HACD3: variants seen among roughly 807,000 people sequenced by gnomAD.
HACD3 encodes 3-hydroxyacyl-CoA dehydratase 3.
In HACD3, 30 loss-of-function variants were observed where a neutral mutation model predicts 55.2. That is an observed-to-expected ratio of 0.54 (90% CI 0.41 to 0.74). The LOEUF (loss-of-function observed/expected upper bound fraction) is 0.74, where lower values mean the gene tolerates loss of function less well. Among genes scored for constraint, HACD3 ranks in the 30% least tolerant of loss-of-function variants. The pLI, the probability that HACD3 is intolerant of heterozygous loss-of-function variation, is 0.00. For synonymous variants in HACD3, 141 were observed against 151.7 expected, an observed-to-expected ratio of 0.93 and a Z score of 0.52; for missense variants, 363 against 440.1, an observed-to-expected ratio of 0.82 and a Z score of 1.57.
At chr15:65,555,735 A>G (rs937884420) in intron 3 of HACD3, among the ~76,000 whole-genome samples, 1 of 151,786 alleles carries the variant, frequency 6.6e-6, no homozygotes. Flanking sequence ...AGTTGGGAAG[A>G]CTCCCCAAAT....
intron 1 of HACD3, among the ~76,000 whole-genome samples, chr15:65,534,198 T>C (rs1232148253): frequency 6.6e-6 from 1 of 152,254 alleles, no homozygotes; most frequent in Non-Finnish European, 1.5e-5. Flanking sequence ...TTTAACACTC[T>C]CTGCTTTCTA....
intron 10 of HACD3, among the ~76,000 whole-genome samples, chr15:65,572,914 CAAAAAAAA>C (rs60226731): frequency 1.9e-5 from 2 of 106,420 alleles, no homozygotes; most frequent in African/African-American, 6.1e-5. Context: ...GACTTTGTCT[CAAAAAAAA>C]AAAAAAAATA....
intron 3 of HACD3, among the ~76,000 whole-genome samples, chr15:65,555,242 G>A (rs1405995541): frequency 6.6e-6 from 1 of 152,116 alleles, no homozygotes; most frequent in African/African-American, 2.4e-5. Context: ...ATGAAGGTCT[G>A]GACTAAGTGA....
intron 1 of HACD3, 61 bp from the exon 2 acceptor site, chr15:65,551,615 T>C: frequency 6.3e-7 from 1 of 1,592,788 alleles, no homozygotes; most frequent in Non-Finnish European, 8.6e-7. Context: ...AAGCCCCTTG[T>C]TTAATCTCAT....
In HACD3 at chr15:65,570,158, T is replaced by A; in HGVS notation, c.728T>A (p.Val243Glu). The A allele has an allele frequency of 6.2e-7, 1 of 1,613,114 alleles. No homozygotes were observed. The highest frequency in any genetic ancestry group is 8.5e-7 in the Non-Finnish European group (1 of 1,179,320). ...ATGGAAGAAATGCAGAACAAAGCTG[T>A]GGTTTTCTTTGTGTTTTATTTGTGG... ...GTMEEMQNKA[V>E]VFFVFYLWSA... Residue 243 changes from valine to glutamate, a missense_variant, in exon 8 of 11, where the codon GTG (valine) becomes GAG (glutamate). Transcript: ENST00000261875.
chr15:65,558,211 A>G (rs2072212996), intron 4 of HACD3, among the ~76,000 whole-genome samples: 1 of 152,102 alleles, frequency 6.6e-6, no homozygotes, highest in Admixed American at 6.5e-5. Context: ...ACCTGTAAAT[A>G]TTTCTGTATG....
At position 65,578,287 on chromosome 15, in the gene HACD3, C is replaced by T. The variant is rs1164470661; in HGVS notation, c.*1908C>T. ...GTATTCTTAGTGATTGTTACAAACCCCTTTATTGCTGTCTGAGAAAGTGAA... is the reference window on the plus strand; with the variant it reads ...GTATTCTTAGTGATTGTTACAAACCTCTTTATTGCTGTCTGAGAAAGTGAA... On this transcript the variant is annotated 3_prime_UTR_variant, in exon 11 of 11. Coordinates refer to ENST00000261875, the MANE Select transcript of HACD3 (RefSeq NM_016395.4). The T allele has an allele frequency of 1.3e-5, 2 of 152,108 alleles. No homozygotes were observed. Among genetic ancestry groups the T allele is most frequent in the African/African-American group, 2.4e-5 (1 of 41,404 alleles). 9.4% of individuals were successfully genotyped at this position (152,108 alleles called of 1,614,324 possible). A position where few individuals can be genotyped will look rare whatever the true frequency, so the allele number is the denominator to read the frequency against.
At chr15:65,545,766 T>TA (rs376464649) in intron 1 of HACD3, among the ~76,000 whole-genome samples, 7 of 151,610 alleles carry the variant, frequency 4.6e-5, no homozygotes, top group South Asian at 2.1e-4. Flanking sequence ...TGGATTTTTT[T>TA]AAAGTGTAAA....
At chr15:65,557,229 A>C (rs1351187217) in intron 4 of HACD3, among the ~76,000 whole-genome samples, 1 of 152,196 alleles carries the variant, frequency 6.6e-6, no homozygotes, top group African/African-American at 2.4e-5. Context: ...TAATCCCAGC[A>C]CTTTGGGAGG....
intron 1 of HACD3, among the ~76,000 whole-genome samples, chr15:65,548,267 T>C (rs762120115): frequency 2.2e-4 from 33 of 152,102 alleles, no homozygotes; most frequent in Non-Finnish European, 4.1e-4. Context: ...CCCAGCAGTT[T>C]GGTAGGCTGA....
chr15:65,533,215 A>T (rs150825696), intron 1 of HACD3, among the ~76,000 whole-genome samples: 3 of 152,194 alleles, frequency 2.0e-5, no homozygotes, highest in African/African-American at 7.2e-5. Context: ...AGCATACTCC[A>T]TGGGGAACCC....
At chr15:65,562,417 C>T (rs2072252312) in intron 5 of HACD3, among the ~76,000 whole-genome samples, 1 of 152,202 alleles carries the variant, frequency 6.6e-6, no homozygotes, top group African/African-American at 2.4e-5. Flanking sequence ...GTAACAAGGG[C>T]TGTGGGAGTT....
chr15:65,547,928 C>G (rs905161957), intron 1 of HACD3, among the ~76,000 whole-genome samples: 4 of 152,064 alleles, frequency 2.6e-5, no homozygotes, highest in Non-Finnish European at 5.9e-5. Context: ...AAATGATCAA[C>G]AATGATTGTG....
chr15:65,530,785 G>A (rs1316105865), intron 1 of HACD3, 67 bp downstream of exon 1: 2 of 1,415,934 alleles, frequency 1.4e-6, no homozygotes, highest in Non-Finnish European at 1.9e-6. Flanking sequence ...CAGGACCCCT[G>A]CCCCCTTTGT....
chr15:65,547,407 G>A (rs758119250), intron 1 of HACD3, among the ~76,000 whole-genome samples: 3 of 152,186 alleles, frequency 2.0e-5, no homozygotes, highest in Non-Finnish European at 4.4e-5. Flanking sequence ...GAGCCACCGC[G>A]CCCGGCCAAG....
intron 1 of HACD3, among the ~76,000 whole-genome samples, chr15:65,536,407 C>T (rs1299256446): frequency 6.6e-6 from 1 of 152,140 alleles, no homozygotes; most frequent in Admixed American, 6.6e-5. Flanking sequence ...CTCCATCTCT[C>T]TCCCTCTCCT....
chr15:65,560,311 C>G (rs2072231884), intron 5 of HACD3, among the ~76,000 whole-genome samples: 1 of 152,234 alleles, frequency 6.6e-6, no homozygotes, highest in African/African-American at 2.4e-5. Context: ...CTCTTAAGAA[C>G]TGTCCTTTTC....
At chr15:65,562,306 T>TA (rs2072251359) in intron 5 of HACD3, among the ~76,000 whole-genome samples, 1 of 152,124 alleles carries the variant, frequency 6.6e-6, no homozygotes, top group Non-Finnish European at 1.5e-5. Flanking sequence ...ACAATCAGAT[T>TA]AGAGTCGTGC....
At chr15:65,573,726 C>T (rs1250024294) in intron 10 of HACD3, among the ~76,000 whole-genome samples, 1 of 152,084 alleles carries the variant, frequency 6.6e-6, no homozygotes, top group Non-Finnish European at 1.5e-5. Context: ...TACATACATT[C>T]TTATGTGTAG....
Sources: gnomAD v4.1 joint callset for allele counts (sites outside exome capture counted in the v4.1 genomes callset) on GRCh38, gnomAD v4.1.1 for gene constraint, MANE v1.5 for transcripts, NCBI Gene and HGNC (gene_info 2026-07-23, HGNC 2026-07-21) for gene names.